UROS: variants seen among roughly 807,000 people sequenced by gnomAD.
UROS encodes uroporphyrinogen-III synthase.
In UROS, 18 loss-of-function variants were observed where a neutral mutation model predicts 33.0. The observed-to-expected ratio is 0.55, with a 90% CI of 0.38 to 0.81. The LOEUF (loss-of-function observed/expected upper bound fraction) is 0.81. Among genes scored for constraint, UROS ranks in the 30% least tolerant of loss-of-function variants. The pLI, the probability that UROS is intolerant of heterozygous loss-of-function variation, is 0.00. For missense variants in UROS, 293 were observed against 314.9 expected, an observed-to-expected ratio of 0.93 and a Z score of 0.53; for synonymous variants, 114 against 121.1, an observed-to-expected ratio of 0.94 and a Z score of 0.38.
chr10:125,813,599 T>C (rs942451324), intron 4 of UROS, among the ~76,000 whole-genome samples: 3 of 152,176 alleles, frequency 2.0e-5, no homozygotes, highest in Non-Finnish European at 4.4e-5. Context: ...TGCCTCAGCC[T>C]CCTGAGTAGC....
In UROS at chr10:125,794,936, T is replaced by G. The variant is rs1851233389; in HGVS notation, c.604A>C (p.Thr202Pro). 4 of 1,614,066 alleles carry G rather than the reference T, an allele frequency of 2.5e-6. No individual in the cohort carries two copies. In the African/African-American group the frequency reaches 5.3e-5, roughly 22 times the overall value. Residue 202 changes from threonine to proline, a missense_variant, in exon 9 of 10, where the codon ACA becomes CCA. Thr to Pro is a conservative substitution (Grantham distance 38). Transcript: ENST00000368797. ...SITFFSPSGL[T>P]YSLKHIQELS... ...TCCTGAATGTGCTTGAGACTGTATGTGAGGCCAGAGGGACTAAAAAATGTG... is the reference window on the plus strand; with the variant it reads ...TCCTGAATGTGCTTGAGACTGTATGGGAGGCCAGAGGGACTAAAAAATGTG...
chr10:125,821,424 T>C (rs991096149), intron 1 of UROS, among the ~76,000 whole-genome samples: 2 of 152,236 alleles, frequency 1.3e-5, no homozygotes, highest in African/African-American at 2.4e-5. Flanking sequence ...ATGAGGTTTC[T>C]AGAATAGTCA....
rs1211438253 is a variant in UROS at position 125,821,815 on chromosome 10, G to A, written c.-27+1214C>T. 2.6e-5 allele frequency among the ~76,000 whole-genome samples: 4 copies of A among 152,134 alleles called. No homozygotes were observed. The East Asian group carries it at 7.7e-4, about 29-fold the overall frequency. ...CAGGAACATGTTTTTGCAGTTGTGCGACCCAAAGAGGCCATTTCAAGCTGC... is the reference window on the plus strand; with the variant it reads ...CAGGAACATGTTTTTGCAGTTGTGCAACCCAAAGAGGCCATTTCAAGCTGC... On this transcript the variant is annotated intron_variant, in intron 1 of 9. Coordinates refer to ENST00000368797, the MANE Select transcript of UROS (RefSeq NM_000375.3).
intron 3 of UROS, 35 bp from the exon 4 acceptor site, chr10:125,815,165 G>A (rs746188612): frequency 1.9e-5 from 31 of 1,606,634 alleles, no homozygotes; most frequent in African/African-American, 1.9e-4. Flanking sequence ...CATTTTATAC[G>A]ATGGCTATGT....
At chr10:125,808,140 C>T (rs1852494897) in intron 5 of UROS, among the ~76,000 whole-genome samples, 1 of 152,210 alleles carries the variant, frequency 6.6e-6, no homozygotes, top group Non-Finnish European at 1.5e-5. Flanking sequence ...TCAGGCTCCC[C>T]CTGCACTTTT....
At chr10:125,814,651 G>A (rs1274677058) in intron 4 of UROS, among the ~76,000 whole-genome samples, 1 of 152,180 alleles carries the variant, frequency 6.6e-6, no homozygotes, top group East Asian at 1.9e-4. Context: ...GGACGGAGGT[G>A]GGAAGACAAG....
At chr10:125,822,612 C>A (rs80078974) in intron 1 of UROS, among the ~76,000 whole-genome samples, 1 of 152,136 alleles carries the variant, frequency 6.6e-6, no homozygotes. Flanking sequence ...TGTCCGCCAC[C>A]ACGCCCGGCT....
downstream of UROS, among the ~76,000 whole-genome samples, chr10:125,787,463 C>G (rs1850666497): frequency 1.3e-5 from 2 of 152,150 alleles, no homozygotes; most frequent in Admixed American, 1.3e-4. Context: ...TGCAATCCAG[C>G]AGTTTCCAAA....
At chr10:125,810,623 C>A (rs1200997621) in intron 5 of UROS, among the ~76,000 whole-genome samples, 1 of 152,148 alleles carries the variant, frequency 6.6e-6, no homozygotes, top group East Asian at 1.9e-4. Context: ...TGTTACGCAG[C>A]AAAGATAATA....
At chr10:125,790,783 C>CAAAA (rs368264390) in intron 9 of UROS, among the ~76,000 whole-genome samples, 1 of 122,582 alleles carries the variant, frequency 8.2e-6, no homozygotes, top group Non-Finnish European at 1.7e-5. Flanking sequence ...AACTCCATCT[C>CAAAA]AAAAAAAAAA....
At chr10:125,822,838 G>A (rs1854109702) in intron 1 of UROS, among the ~76,000 whole-genome samples, 191 bp downstream of exon 1, 2 of 152,200 alleles carry the variant, frequency 1.3e-5, no homozygotes, top group Non-Finnish European at 2.9e-5. Flanking sequence ...AGCTCGGCGA[G>A]GGTAGGCTGG....
intron 1 of UROS, among the ~76,000 whole-genome samples, chr10:125,820,061 C>G (rs774859758): frequency 1.3e-5 from 2 of 152,122 alleles, no homozygotes; most frequent in Non-Finnish European, 2.9e-5. Flanking sequence ...TCATGGTGTT[C>G]TGGGTATCAG....
At chr10:125,795,754 C>T (rs536669960) in intron 8 of UROS, among the ~76,000 whole-genome samples, 64 of 152,298 alleles carry the variant, frequency 4.2e-4, no homozygotes, top group South Asian at 2.1e-4. Flanking sequence ...AAAAGCTTTG[C>T]GTAAATTATC....
intron 6 of UROS, among the ~76,000 whole-genome samples, chr10:125,800,004 C>T (rs1304956555): frequency 3.3e-5 from 5 of 152,164 alleles, no homozygotes; most frequent in South Asian, 2.1e-4. Flanking sequence ...CTCTGCTCTC[C>T]GTTCGTTTAA....
intron 9 of UROS, chr10:125,789,545 A>AT (rs2133800630): frequency 4.9e-6 from 1 of 202,974 alleles, no homozygotes; most frequent in African/African-American, 2.3e-5. Flanking sequence ...AACCGAAAAG[A>AT]TAACAGGACT....
At chr10:125,802,853 C>A in intron 6 of UROS, 1 of 1,520,448 alleles carries the variant, frequency 6.6e-7, no homozygotes, top group African/African-American at 1.4e-5. Flanking sequence ...CAGGAGGTCC[C>A]AGCAGCCCCT....
At chr10:125,816,556 T>A in intron 1 of UROS, 31 bp from the exon 2 acceptor site, 1 of 1,598,440 alleles carries the variant, frequency 6.3e-7, no homozygotes, top group Middle Eastern at 1.7e-4. Flanking sequence ...AGATCTTAAT[T>A]AGATCTCAAA....
chr10:125,798,429 C>G (rs762019775), intron 6 of UROS, among the ~76,000 whole-genome samples: 1 of 152,242 alleles, frequency 6.6e-6, no homozygotes, highest in Non-Finnish European at 1.5e-5. Context: ...CCTTCTGATC[C>G]TGAAGTGACT....
chr10:125,808,644 C>G (rs1299828643), intron 5 of UROS, among the ~76,000 whole-genome samples: 2 of 152,200 alleles, frequency 1.3e-5, no homozygotes, highest in African/African-American at 4.8e-5. Context: ...AACATTAACT[C>G]TCATATATAG....
Sources: allele counts gnomAD v4.1 joint callset (sites outside exome capture counted in the v4.1 genomes callset), GRCh38; gene constraint gnomAD v4.1.1; transcripts MANE v1.5; gene names NCBI Gene and HGNC (gene_info 2026-07-23, HGNC 2026-07-21).